Variants in DEFB134 observed in about 807,000 individuals in gnomAD.
DEFB134 encodes beta-defensin 134.
A neutral mutation model predicts 7.4 loss-of-function variants in DEFB134; 7 were observed. That is an observed-to-expected ratio of 0.95 (90% CI 0.54 to 1.79). The LOEUF (loss-of-function observed/expected upper bound fraction) is 1.79, where lower values mean the gene tolerates loss of function less well. Ranked by LOEUF, DEFB134 falls within the 40% of genes most tolerant of loss-of-function variation. DEFB134 has a pLI of 0.00. For missense variants in DEFB134, 105 were observed against 74.8 expected, an observed-to-expected ratio of 1.40 and a Z score of -1.49; for synonymous variants, 33 against 25.0, an observed-to-expected ratio of 1.32 and a Z score of -0.96.
At chr8:11,998,498 G>C (rs1188959883), upstream of DEFB134, among the ~76,000 whole-genome samples, 1 of 151,870 alleles carries the variant, frequency 6.6e-6, no homozygotes, top group Non-Finnish European at 1.5e-5. Context: ...TGAAACTGAT[G>C]AAAACAAAGG....
Position 11,994,116 on chromosome 8 carries a change from T to C in DEFB134, c.65A>G (p.Asn22Ser), listed in dbSNP as rs1245652458. Reference sequence around the variant, plus strand: ...CTTGTGCATTTCTGATGATAATGAATTTATACCTGGAAGGAAAATGAATAG... The same window carrying C: ...CTTGTGCATTTCTGATGATAATGAACTTATACCTGGAAGGAAAATGAATAG... Residue 22 changes from asparagine to serine, a missense_variant, in exon 2 of 2, where the codon AAT becomes AGT. Asn to Ser is a conservative substitution (Grantham distance 46, BLOSUM62 1). Transcript: ENST00000526438. The C allele has an allele frequency of 1.9e-6, 3 of 1,610,508 alleles. No homozygotes were observed. The South Asian group carries it at 3.3e-5, about 18-fold the overall frequency.
upstream of DEFB134, among the ~76,000 whole-genome samples, chr8:12,000,605 TAATAAC>T (rs1563116476): frequency 6.6e-6 from 1 of 152,134 alleles, no homozygotes; most frequent in African/African-American, 2.4e-5. Flanking sequence ...AGTAAGATTT[TAATAAC>T]AATAACTAAT....
chr8:11,996,337 C>T (rs1268061185), upstream of DEFB134: 10 of 1,459,824 alleles, frequency 6.9e-6, no homozygotes, highest in African/African-American at 2.8e-5. Flanking sequence ...GCACACAGTC[C>T]TATACAAACC....
upstream of DEFB134, among the ~76,000 whole-genome samples, chr8:11,999,660 C>G (rs1199426561): frequency 6.6e-6 from 1 of 152,164 alleles, no homozygotes; most frequent in African/African-American, 2.4e-5. Flanking sequence ...GAGTTTTGCT[C>G]TAAAAGGTAA....
intron 1 of DEFB134, among the ~76,000 whole-genome samples, chr8:11,994,554 A>G (rs1308038723): frequency 6.6e-6 from 1 of 152,220 alleles, no homozygotes; most frequent in African/African-American, 2.4e-5. Flanking sequence ...AACTATGAGA[A>G]AATAAAGTTT....
upstream of DEFB134, chr8:11,999,204 G>A (rs1376947809): frequency 9.9e-6 from 2 of 202,944 alleles, no homozygotes. Context: ...AGCCAGTGAG[G>A]GCGTGGGTTC....
chr8:11,998,849 G>A (rs1158397470), upstream of DEFB134, among the ~76,000 whole-genome samples: 2 of 152,050 alleles, frequency 1.3e-5, no homozygotes, highest in African/African-American at 4.8e-5. Context: ...ACGAGAAAGA[G>A]GATATTACCA....
chr8:11,997,064 T>C (rs1165333058), upstream of DEFB134, among the ~76,000 whole-genome samples: 1 of 152,202 alleles, frequency 6.6e-6, no homozygotes, highest in Non-Finnish European at 1.5e-5. Flanking sequence ...TTCTGTAATA[T>C]TCCCCTCCTG....
chr8:11,997,594 A>G (rs144299815), upstream of DEFB134, among the ~76,000 whole-genome samples: 289 of 152,344 alleles, frequency 1.9e-3, 1 homozygote, highest in African/African-American at 6.8e-3. Flanking sequence ...AAAACAGACT[A>G]AAAGCAACAA....
upstream of DEFB134, among the ~76,000 whole-genome samples, chr8:11,997,908 C>G (rs140197898): frequency 3.0e-3 from 454 of 152,300 alleles, 1 homozygote; most frequent in Non-Finnish European, 3.5e-3. Flanking sequence ...CACACACCAA[C>G]AGAATACACA....
upstream of DEFB134, among the ~76,000 whole-genome samples, chr8:12,000,318 A>G (rs1383182899): frequency 6.6e-6 from 1 of 152,136 alleles, no homozygotes; most frequent in Non-Finnish European, 1.5e-5. Flanking sequence ...AGTAGATTCC[A>G]TGACTGTCTT....
chr8:11,995,050 C>T (rs1800081290), intron 1 of DEFB134, among the ~76,000 whole-genome samples: 1 of 152,114 alleles, frequency 6.6e-6, no homozygotes, highest in Non-Finnish European at 1.5e-5. Flanking sequence ...AATTGTCCTA[C>T]ATGAACAAGA....
chr8:11,997,531 TA>T (rs1391468306), upstream of DEFB134, among the ~76,000 whole-genome samples: 1 of 152,176 alleles, frequency 6.6e-6, no homozygotes, highest in Non-Finnish European at 1.5e-5. Context: ...GAGAAAGATC[TA>T]GCAAGCAAAT....
At chr8:11,998,222 G>A (rs975190517), upstream of DEFB134, among the ~76,000 whole-genome samples, 2 of 152,088 alleles carry the variant, frequency 1.3e-5, no homozygotes, top group Non-Finnish European at 2.9e-5. Flanking sequence ...GTTAAGGAAG[G>A]TGGATCACTT....
chr8:11,996,306 G>A lies in DEFB134; in HGVS notation c.-55C>T, dbSNP rs1800121779. On this transcript the variant is annotated 5_prime_UTR_variant, in exon 1 of 2. Transcript: ENST00000526438. ...GGCAGGGTCTGACATCGGCTGTCAG[G>A]GAACAGAGAGAAGAGGTTGAGCACA... The A allele has an allele frequency of 5.0e-6, 8 of 1,596,218 alleles. No individual in the cohort carries two copies. Among genetic ancestry groups the A allele is most frequent in the Non-Finnish European group, 6.9e-6 (8 of 1,164,356 alleles).
chr8:11,998,551 G>C (rs1800185982), upstream of DEFB134, among the ~76,000 whole-genome samples: 1 of 152,112 alleles, frequency 6.6e-6, no homozygotes, highest in East Asian at 1.9e-4. Flanking sequence ...GCAGTGTTAA[G>C]AGGAACATTT....
upstream of DEFB134, chr8:11,999,592 G>A (rs1478744561): frequency 2.1e-5 from 3 of 141,940 alleles, no homozygotes; most frequent in African/African-American, 7.5e-5. Context: ...TCACTGACTA[G>A]GTCACCAACT....
chr8:11,999,394 A>G (rs74632982), upstream of DEFB134: 28,496 of 194,568 alleles, frequency 0.15, 3,992 homozygotes, highest in African/African-American at 0.41. Context: ...AATATGACTC[A>G]AGGAGAAATA....
At chr8:11,994,265 G>C (rs1292449635) in intron 1 of DEFB134, 143 bp from the exon 3 acceptor site, 1 of 1,019,016 alleles carries the variant, frequency 9.8e-7, no homozygotes, top group African/African-American at 1.6e-5. Context: ...ATTAATTAGT[G>C]GTAGGGGCTG....
Sources: allele counts gnomAD v4.1 joint callset (sites outside exome capture counted in the v4.1 genomes callset), GRCh38; gene constraint gnomAD v4.1.1; transcripts MANE v1.5; gene names NCBI Gene and HGNC (gene_info 2026-07-23, HGNC 2026-07-21).